LAMA2: variants seen among roughly 807,000 people sequenced by gnomAD.
The protein encoded by LAMA2 is laminin subunit alpha-2.
Under a neutral mutation model 364.8 loss-of-function variants are expected in LAMA2, and 269 were observed. The ratio of observed to expected loss-of-function variants is 0.74; its 90% confidence interval spans 0.67 to 0.82. The LOEUF is 0.82. LAMA2 is among the 40% of genes least tolerant of loss of function. The pLI is 0.00. For missense variants in LAMA2, 3,807 were observed against 3,873.2 expected, an observed-to-expected ratio of 0.98 and a Z score of 0.45; for synonymous variants, 1,379 against 1,370.6, an observed-to-expected ratio of 1.01 and a Z score of -0.14.
chr6:129,256,766 ATATATATATATAT>A (rs1786712478), intron 14 of LAMA2, among the ~76,000 whole-genome samples: 1 of 92,256 alleles, frequency 1.1e-5, no homozygotes, highest in Non-Finnish European at 2.4e-5. Flanking sequence ...TATATAGCAT[ATATATATATATAT>A]ATATATATAT....
chr6:129,414,522 T>C (rs956902379), intron 40 of LAMA2, among the ~76,000 whole-genome samples: 3 of 152,318 alleles, frequency 2.0e-5, no homozygotes, highest in East Asian at 3.9e-4. Context: ...GAGGTGTCTG[T>C]ATTAATTTCT....
chr6:128,985,575 G>A (rs1783174495), intron 1 of LAMA2, among the ~76,000 whole-genome samples: 1 of 152,006 alleles, frequency 6.6e-6, no homozygotes, highest in African/African-American at 2.4e-5. Context: ...CCTTAAAAAT[G>A]TTTTTATTAT....
chr6:129,280,183 C>G (rs1231394512), intron 18 of LAMA2, 36 bp downstream of exon 18: 1 of 1,357,438 alleles, frequency 7.4e-7, no homozygotes, highest in African/African-American at 1.4e-5. Flanking sequence ...AAAATGATTT[C>G]TACCTTGGGA....
intron 3 of LAMA2, among the ~76,000 whole-genome samples, chr6:129,068,717 G>A (rs77435997): frequency 3.9e-4 from 59 of 152,272 alleles, no homozygotes; most frequent in African/African-American, 9.9e-4. Flanking sequence ...GCTTTTAAGC[G>A]TATTCTAAAT....
At chr6:129,410,505 C>T (rs2114709856) in intron 40 of LAMA2, among the ~76,000 whole-genome samples, 1 of 152,176 alleles carries the variant, frequency 6.6e-6, no homozygotes, top group Admixed American at 6.5e-5. Flanking sequence ...CCTGAATTTC[C>T]TTTCTCAATT....
chr6:129,099,240 T>C (rs947018131), intron 4 of LAMA2, among the ~76,000 whole-genome samples: 1 of 151,286 alleles, frequency 6.6e-6, no homozygotes, highest in Non-Finnish European at 1.5e-5. Context: ...TCTTACCTCA[T>C]ATAATTGTCA....
At chr6:129,108,805 A>T (rs1775978019) in intron 4 of LAMA2, among the ~76,000 whole-genome samples, 1 of 152,088 alleles carries the variant, frequency 6.6e-6, no homozygotes, top group East Asian at 1.9e-4. Context: ...TTATTCCTCT[A>T]AAAGTTTACT....
rs1248170007 is a variant in LAMA2 at position 129,497,748 on chromosome 6, G to A, written c.8245-4911G>A. On this transcript the variant is annotated intron_variant, in intron 58 of 64. Coordinates refer to ENST00000421865, the MANE Select transcript of LAMA2 (RefSeq NM_000426.4). ...GAGGACAACATTCACTATACTACAG[G>A]GCAATGTAAGGGTGTCTTGAGAAAG... 7.9e-5 allele frequency among the ~76,000 whole-genome samples: 12 copies of A among 152,218 alleles called. No individual in the cohort carries two copies. The East Asian group carries it at 2.1e-3, about 27-fold the overall frequency.
At chr6:129,170,851 G>A (rs1562296563) in intron 9 of LAMA2, among the ~76,000 whole-genome samples, 2 of 148,372 alleles carry the variant, frequency 1.3e-5, no homozygotes, top group African/African-American at 2.5e-5. Context: ...TATGAATCTG[G>A]GTGCTCCTGT....
intron 8 of LAMA2, chr6:129,157,397 T>C: frequency 8.8e-7 from 1 of 1,141,376 alleles, no homozygotes; most frequent in Admixed American, 1.8e-5. Flanking sequence ...ATTAGCAGCC[T>C]GTGAACACGT....
At chr6:129,387,621 A>G (rs923514073) in intron 35 of LAMA2, among the ~76,000 whole-genome samples, 2 of 152,172 alleles carry the variant, frequency 1.3e-5, no homozygotes, top group African/African-American at 2.4e-5. Context: ...TTATTGCAAC[A>G]CTATTTATGC....
At chr6:129,486,428 TA>T in intron 55 of LAMA2, 45 bp from the exon 56 acceptor site, 1 of 1,594,426 alleles carries the variant, frequency 6.3e-7, no homozygotes, top group Non-Finnish European at 8.6e-7. Flanking sequence ...AGCTAAGCCA[TA>T]AATGAGACTT....
At chr6:129,136,771 CTG>C (rs1212755082) in intron 4 of LAMA2, among the ~76,000 whole-genome samples, 2 of 152,104 alleles carry the variant, frequency 1.3e-5, no homozygotes, top group Admixed American at 6.5e-5. Context: ...AGTGCAAGGA[CTG>C]TAATTCTAAA....
Position 129,330,591 on chromosome 6 carries a change from G to GTTTTTTTTTTTTTTTTTTTT in LAMA2, c.4311+2179_4311+2180insTTTTTTTTTTTTTTTTTTTT, listed in dbSNP as rs1491387157. Reference sequence around the variant, plus strand: ...TTGAAGCGTTTTTTTGTTGTTGTTTGGTTTTTGTTTTTTTTTTTTTTTTTC... The same window carrying GTTTTTTTTTTTTTTTTTTTT: ...TTGAAGCGTTTTTTTGTTGTTGTTTGTTTTTTTTTTTTTTTTTTTTGTTTTTGTTTTTTTTTTTTTTTTTC... On this transcript the variant is annotated intron_variant, in intron 29 of 64. Coordinates refer to ENST00000421865, the MANE Select transcript of LAMA2 (RefSeq NM_000426.4). 3.6e-4 allele frequency among the ~76,000 whole-genome samples: 30 copies of GTTTTTTTTTTTTTTTTTTTT among 83,774 alleles called. 2 individuals are homozygous for GTTTTTTTTTTTTTTTTTTTT. The highest frequency in any genetic ancestry group is 1.3e-3 in the South Asian group (3 of 2,292). 55.0% of individuals were successfully genotyped at this position (83,774 alleles called of 152,430 possible).
intron 21 of LAMA2, among the ~76,000 whole-genome samples, chr6:129,300,333 G>C (rs956425835): frequency 6.6e-6 from 1 of 151,994 alleles, no homozygotes; most frequent in South Asian, 2.1e-4. Flanking sequence ...GGCTCATCAA[G>C]GAAAAACTAA....
intron 32 of LAMA2, among the ~76,000 whole-genome samples, chr6:129,358,204 A>G (rs865978091): frequency 6.6e-6 from 1 of 151,892 alleles, no homozygotes; most frequent in African/African-American, 2.4e-5. Context: ...CAACCTTAGC[A>G]TTGGTCCAGG....
chr6:129,281,621 C>T (rs965231303), intron 18 of LAMA2, among the ~76,000 whole-genome samples: 75 of 152,126 alleles, frequency 4.9e-4, no homozygotes, highest in African/African-American at 1.8e-3. Context: ...TCACATCTTT[C>T]TTTAATGCAA....
At chr6:129,261,997 C>T (rs887815778) in intron 15 of LAMA2, among the ~76,000 whole-genome samples, 17 of 152,122 alleles carry the variant, frequency 1.1e-4, no homozygotes, top group African/African-American at 4.1e-4. Flanking sequence ...CTTTTAAGAT[C>T]CTCTCTCAAT....
intron 10 of LAMA2, 143 bp downstream of exon 10, chr6:129,178,009 G>C: frequency 2.4e-6 from 2 of 846,264 alleles, no homozygotes; most frequent in Non-Finnish European, 3.9e-6. Context: ...TGACCCACCA[G>C]GTTCACTGTA....
Sources: gnomAD v4.1 joint callset for allele counts (sites outside exome capture counted in the v4.1 genomes callset) on GRCh38, gnomAD v4.1.1 for gene constraint, MANE v1.5 for transcripts, NCBI Gene and HGNC (gene_info 2026-07-23, HGNC 2026-07-21) for gene names.